DPP3: variants seen among roughly 807,000 people sequenced by gnomAD.
DPP3 encodes the protein DPP III.
Under a neutral mutation model 89.8 loss-of-function variants are expected in DPP3, and 64 were observed. That is an observed-to-expected ratio of 0.71 (90% CI 0.58 to 0.88). The LOEUF (loss-of-function observed/expected upper bound fraction) is 0.88. DPP3 is among the 40% of genes least tolerant of loss of function. The pLI is 0.00. For synonymous variants in DPP3, 377 were observed against 404.3 expected (o/e 0.93, Z 0.81); for missense variants, 835 against 972.5 (o/e 0.86, Z 1.88).
chr11:66,485,457 G>A (rs1056680311), intron 3 of DPP3, among the ~76,000 whole-genome samples, 195 bp downstream of exon 3: 6 of 152,216 alleles, frequency 3.9e-5, no homozygotes, highest in Admixed American at 6.5e-5. Context: ...TAAAGGAAAA[G>A]CACCACTCGC....
intron 15 of DPP3, 92 bp from the exon 16 acceptor site, chr11:66,497,206 C>T: frequency 2.7e-6 from 4 of 1,490,470 alleles, no homozygotes; most frequent in Middle Eastern, 2.5e-4. Flanking sequence ...GACCAAGGAC[C>T]AAGCCTGGGA....
At chr11:66,490,549 T>G (rs1855351128) in intron 6 of DPP3, among the ~76,000 whole-genome samples, 1 of 152,000 alleles carries the variant, frequency 6.6e-6, no homozygotes, top group Non-Finnish European at 1.5e-5. Context: ...GACTGTCGAT[T>G]ACATTTGGGA....
Position 66,492,748 on chromosome 11 carries a change from G to A in DPP3, c.1021G>A (p.Ala341Thr). 14 of 1,610,174 alleles carry A rather than the reference G, an allele frequency of 8.7e-6. No homozygotes were observed. The highest frequency in any genetic ancestry group is 1.1e-5 in the Non-Finnish European group (13 of 1,178,270). The change falls in exon 10 of 18, where the codon GCC (alanine) becomes ACC (threonine). Residue 341 changes from alanine to threonine, a missense_variant. Ala to Thr is a moderately conservative substitution (Grantham distance 58, BLOSUM62 0). Transcript: ENST00000531863. ...FVAVVNKAMS[A>T]KFERLVASAE... ...AGCTGTGGTGAACAAGGCCATGAGT[G>A]CCAAGTTTGAGCGGCTGGTGGCGAG... is the stretch of plus-strand genomic sequence containing the variant.
At chr11:66,490,767 G>GTTTTTTTTTTTTTT (rs1441207501) in intron 6 of DPP3, among the ~76,000 whole-genome samples, 1 of 138,090 alleles carries the variant, frequency 7.2e-6, no homozygotes, top group East Asian at 2.1e-4. Context: ...TGTTTTTTTT[G>GTTTTTTTTTTTTTT]TTTTGTTTTT....
intron 12 of DPP3, among the ~76,000 whole-genome samples, chr11:66,494,117 A>G (rs1855471562): frequency 6.6e-6 from 1 of 152,080 alleles, no homozygotes; most frequent in Non-Finnish European, 1.5e-5. Context: ...TTTTCCGGGT[A>G]TCGTAGGGAG....
intron 9 of DPP3, 45 bp downstream of exon 9, chr11:66,491,801 A>T: frequency 6.2e-7 from 1 of 1,601,236 alleles, no homozygotes; most frequent in Non-Finnish European, 8.6e-7. Flanking sequence ...CTTCCCCCAC[A>T]TCCAAGTCCA....
At position 66,509,410 on chromosome 11, in the gene DPP3, G is replaced by C; in HGVS notation, c.*159G>C. 2 of 1,536,548 alleles carry C rather than the reference G, an allele frequency of 1.3e-6. No individual in the cohort carries two copies. The highest frequency in any genetic ancestry group is 1.7e-6 in the Non-Finnish European group (2 of 1,146,792). On this transcript the variant is annotated 3_prime_UTR_variant, in exon 18 of 18. Coordinates refer to ENST00000531863, the MANE Select transcript of DPP3 (RefSeq NM_130443.4). ...GTGACACAACCCCTTCCATTTGTCA[G>C]CACTTTCCAGCCTGCCAATTGCTTC...
At chr11:66,508,931 A>C in intron 17 of DPP3, 148 bp from the exon 18 acceptor site, 2 of 977,514 alleles carry the variant, frequency 2.0e-6, no homozygotes, top group Middle Eastern at 4.4e-4. Context: ...AAATTAAGTA[A>C]TTAACCTAAA....
In DPP3 at chr11:66,509,113, A is replaced by T. The variant is rs970281689; in HGVS notation, c.2076A>T (p.Ser692=). The T allele has an allele frequency of 6.2e-7, 1 of 1,614,144 alleles. No individual in the cohort carries two copies. The highest frequency in any genetic ancestry group is 8.5e-7 in the Non-Finnish European group (1 of 1,180,034). ...SDVQLLEYEA[S]AAGLIRSFSE... is the part of the protein sequence containing the mutation. ...TGCAGCTTCTGGAATACGAGGCGTC[A>T]GCTGCTGGCCTCATCCGATCCTTCT... The change falls in exon 18 of 18, where the codon TCA becomes TCT. Residue 692 remains serine (S), a synonymous_variant. Coordinates refer to ENST00000531863, the MANE Select transcript of DPP3 (RefSeq NM_130443.4).
Position 66,509,105 on chromosome 11 carries a change from G to A in DPP3, c.2068G>A (p.Glu690Lys), listed in dbSNP as rs12421620. Residue 690 changes from glutamate to lysine, a missense_variant, in exon 18 of 18, where the codon GAG (glutamate) becomes AAG (lysine). Transcript: ENST00000531863. Reference protein sequence around the residue: ...EGSDVQLLEYEASAAGLIRSF... With the variant: ...EGSDVQLLEYKASAAGLIRSF... ...CTCAGACGTGCAGCTTCTGGAATAC[G>A]AGGCGTCAGCTGCTGGCCTCATCCG... The A allele has an allele frequency of 0.029, 47,302 of 1,613,996 alleles. 4,674 individuals carry two copies. In the Admixed American group the frequency reaches 0.34, roughly 12 times the overall value.
chr11:66,483,423 G>C (rs1167246228), intron 2 of DPP3, among the ~76,000 whole-genome samples: 3 of 152,142 alleles, frequency 2.0e-5, no homozygotes, highest in Non-Finnish European at 4.4e-5. Context: ...ATAGAAATGA[G>C]ATAATGTTCT....
In DPP3 at chr11:66,482,309, C is replaced by T; in HGVS notation, c.109C>T (p.Leu37=). The T allele has an allele frequency of 1.2e-6, 2 of 1,614,098 alleles. No homozygotes were observed. The change falls in exon 2 of 18, where the codon CTG becomes TTG. Residue 37 remains leucine, a synonymous_variant. Coordinates refer to ENST00000531863, the MANE Select transcript of DPP3 (RefSeq NM_130443.4). ...CACAGAGCGCCTCTATGCCTACCAC[C>T]TGTCCCGTGCCGCCTGGTACGGAGG... ...SPTERLYAYH[L]SRAAWYGGLA... is the part of the protein sequence containing the mutation.
At chr11:66,492,571 AGGC>A in intron 9 of DPP3, 142 bp from the exon 10 acceptor site, 1 of 952,740 alleles carries the variant, frequency 1.0e-6, no homozygotes, top group Non-Finnish European at 1.5e-6. Context: ...AGTAGGGCCC[AGGC>A]CTGGGTCACT....
intron 17 of DPP3, among the ~76,000 whole-genome samples, chr11:66,507,298 T>C (rs1018591901): frequency 7.9e-4 from 120 of 151,998 alleles, no homozygotes; most frequent in Non-Finnish European, 1.6e-4. Context: ...AAACCCCGTC[T>C]CTACTAAAAA....
intron 9 of DPP3, chr11:66,492,427 T>G (rs1855416962): frequency 5.5e-6 from 2 of 360,968 alleles, no homozygotes; most frequent in Non-Finnish European, 9.9e-6. Context: ...CTGGAGAGAT[T>G]AGCCTGGGAG....
At chr11:66,505,776 A>T (rs976197573) in intron 17 of DPP3, among the ~76,000 whole-genome samples, 3 of 148,232 alleles carry the variant, frequency 2.0e-5, no homozygotes, top group Admixed American at 1.4e-4. Flanking sequence ...TGAGCCCAGG[A>T]GTTCAATGCT....
At chr11:66,507,543 A>C (rs1304676830) in intron 17 of DPP3, among the ~76,000 whole-genome samples, 1 of 152,136 alleles carries the variant, frequency 6.6e-6, no homozygotes, top group Non-Finnish European at 1.5e-5. Flanking sequence ...ACATATAAAC[A>C]GAACTCTGAA....
At chr11:66,486,983 G>T (rs1357865764) in intron 4 of DPP3, among the ~76,000 whole-genome samples, 3 of 152,122 alleles carry the variant, frequency 2.0e-5, no homozygotes, top group African/African-American at 4.8e-5. Flanking sequence ...GGAAGGAGGG[G>T]GGTCCCAGGT....
At chr11:66,491,957 T>C (rs1173006960) in intron 9 of DPP3, among the ~76,000 whole-genome samples, 2 of 152,172 alleles carry the variant, frequency 1.3e-5, no homozygotes, top group Admixed American at 1.3e-4. Flanking sequence ...TTAGAGTCCA[T>C]CATCCCATGA....
Sources: allele counts gnomAD v4.1 joint callset (sites outside exome capture counted in the v4.1 genomes callset), GRCh38; gene constraint gnomAD v4.1.1; transcripts MANE v1.5; gene names NCBI Gene and HGNC (gene_info 2026-07-23, HGNC 2026-07-21).